The following TIPIN variants were observed in gnomAD, a reference collection of about 807,000 sequenced individuals.
TIPIN encodes the protein TIMELESS-interacting protein.
A neutral mutation model predicts 35.6 loss-of-function variants in TIPIN; 29 were observed. The ratio of observed to expected loss-of-function variants is 0.82; its 90% confidence interval spans 0.61 to 1.11. The LOEUF (loss-of-function observed/expected upper bound fraction) is 1.11, where lower values mean the gene tolerates loss of function less well. Ranked by LOEUF, TIPIN falls within the 50% of genes most tolerant of loss-of-function variation. The pLI, the probability that TIPIN is intolerant of heterozygous loss-of-function variation, is 0.00. For synonymous variants in TIPIN, 102 were observed against 121.5 expected, an observed-to-expected ratio of 0.84 and a Z score of 1.06; for missense variants, 296 against 345.4, an observed-to-expected ratio of 0.86 and a Z score of 1.13.
At chr15:66,383,022 C>T (rs2093323578) in intron 1 of TIPIN, 3 of 985,052 alleles carry the variant, frequency 3.0e-6, no homozygotes, top group South Asian at 4.7e-5. Context: ...AATTGTTTAT[C>T]TGGGCTTCTT....
At chr15:66,345,506 G>A (rs1411037293) in intron 6 of TIPIN, among the ~76,000 whole-genome samples, 1 of 152,142 alleles carries the variant, frequency 6.6e-6, no homozygotes, top group African/African-American at 2.4e-5. Flanking sequence ...ACTGAAATCA[G>A]GAGTTTGAGA....
chr15:66,341,390 T>G (rs748541160), intron 6 of TIPIN, 34 bp from the exon 7 acceptor site: 3 of 1,556,838 alleles, frequency 1.9e-6, no homozygotes, highest in Non-Finnish European at 2.6e-6. Context: ...ATCTGTGGTG[T>G]TAGACTAGTT....
chr15:66,379,861 T>C, intron 1 of TIPIN: 1 of 1,593,706 alleles, frequency 6.3e-7, no homozygotes, highest in Non-Finnish European at 8.5e-7. Context: ...CCCTTCAGAG[T>C]AATGTTGACA....
At chr15:66,370,798 A>G (rs1224176285) in intron 1 of TIPIN, among the ~76,000 whole-genome samples, 1 of 152,202 alleles carries the variant, frequency 6.6e-6, no homozygotes, top group Non-Finnish European at 1.5e-5. Context: ...AAAGAATAAA[A>G]GATCTTAATT....
intron 1 of TIPIN, among the ~76,000 whole-genome samples, chr15:66,380,811 T>A (rs748134555): frequency 1.3e-5 from 2 of 152,086 alleles, no homozygotes; most frequent in Non-Finnish European, 2.9e-5. Context: ...CAAGACTCCA[T>A]CTGGAAAAAA....
intron 6 of TIPIN, 90 bp downstream of exon 6, chr15:66,348,970 G>T: frequency 9.9e-7 from 1 of 1,007,524 alleles, no homozygotes; most frequent in Non-Finnish European, 1.5e-6. Flanking sequence ...AAAGCAAAGC[G>T]CTGGGATTAC....
chr15:66,344,526 A>C (rs2093110107), intron 6 of TIPIN, among the ~76,000 whole-genome samples: 1 of 152,138 alleles, frequency 6.6e-6, no homozygotes, highest in Admixed American at 6.6e-5. Flanking sequence ...ATATTTTGTA[A>C]GCAGCAGCTG....
rs533829554 is a variant in TIPIN at position 66,344,095 on chromosome 15, C to CT, written c.476-2740dup. Reference sequence around the variant, plus strand: ...CAATAAGAAAATACATAAATAACTACTTTTTTTTTGTTTTTTTCAAGAGAT... The same window carrying CT: ...CAATAAGAAAATACATAAATAACTACTTTTTTTTTTGTTTTTTTCAAGAGAT... On this transcript the variant is annotated intron_variant, in intron 6 of 7. Transcript: ENST00000261881. 4.3e-3 allele frequency among the ~76,000 whole-genome samples: 656 copies of CT among 151,572 alleles called. 4 individuals are homozygous for CT. Among genetic ancestry groups the CT allele is most frequent in the Middle Eastern group, 6.8e-3 (2 of 294 alleles).
intron 3 of TIPIN, among the ~76,000 whole-genome samples, chr15:66,351,921 G>A (rs1400792042): frequency 6.9e-6 from 1 of 144,400 alleles, no homozygotes; most frequent in East Asian, 2.0e-4. Context: ...TTATAGGCGT[G>A]AGCTACCACG....
intron 1 of TIPIN, among the ~76,000 whole-genome samples, chr15:66,354,153 G>A (rs559330774): frequency 6.6e-6 from 1 of 152,222 alleles, no homozygotes; most frequent in South Asian, 2.1e-4. Flanking sequence ...GCTTTAATAA[G>A]TACTGATTTA....
rs2093305467 is a variant in TIPIN at position 66,378,382 on chromosome 15, T to G, written c.-9+8225A>C. 2.0e-5 allele frequency among the ~76,000 whole-genome samples: 3 copies of G among 151,700 alleles called. No homozygotes were observed. In the South Asian group the frequency reaches 6.3e-4, roughly 32 times the overall value. On this transcript the variant is annotated intron_variant, in intron 1 of 7. Coordinates refer to the TIPIN transcript ENST00000562124. ...CATCTCCTGACCTCGTGATCTGCCT[T>G]CCTTGGCCTCCCAAAGTGCTGGGAT...
At chr15:66,349,575 G>T in intron 4 of TIPIN, 138 bp from the exon 5 acceptor site, 1 of 1,148,170 alleles carries the variant, frequency 8.7e-7, no homozygotes, top group Non-Finnish European at 1.2e-6. Context: ...CTTATAAAAG[G>T]AACTTTAATA....
At chr15:66,349,286 A>G (rs1013968704) in intron 5 of TIPIN, 29 bp downstream of exon 5, 2 of 1,610,428 alleles carry the variant, frequency 1.2e-6, no homozygotes, top group African/African-American at 2.7e-5. Flanking sequence ...TAGCATGTGA[A>G]TGATATTTAT....
upstream of TIPIN, among the ~76,000 whole-genome samples, chr15:66,357,680 G>A (rs62626355): frequency 7.1e-3 from 1,062 of 149,656 alleles, 10 homozygotes; most frequent in African/African-American, 0.025. Context: ...ACTTGGGGCC[G>A]GGTGCAGTGG....
intron 1 of TIPIN, chr15:66,379,312 T>C (rs1242046469): frequency 6.3e-7 from 1 of 1,576,058 alleles, no homozygotes; most frequent in African/African-American, 1.3e-5. Flanking sequence ...GCGTCTTCTT[T>C]CTGTAGCTGG....
At chr15:66,345,062 C>G (rs2140449207) in intron 6 of TIPIN, among the ~76,000 whole-genome samples, 1 of 152,008 alleles carries the variant, frequency 6.6e-6, no homozygotes, top group South Asian at 2.1e-4. Context: ...TAAAGGGAAA[C>G]AAGGGCAATG....
chr15:66,338,722 G>A (rs539135113), intron 7 of TIPIN, among the ~76,000 whole-genome samples: 9 of 148,642 alleles, frequency 6.1e-5, no homozygotes, highest in Middle Eastern at 3.4e-3. Flanking sequence ...GCTGAGGCAC[G>A]AGAATGGCAT....
At chr15:66,362,079 G>A (rs1391503325) in intron 1 of TIPIN, among the ~76,000 whole-genome samples, 5 of 151,298 alleles carry the variant, frequency 3.3e-5, no homozygotes, top group South Asian at 2.1e-4. Flanking sequence ...CAAGGCAGGC[G>A]GATCACCTGA....
chr15:66,363,581 G>A (rs981157120), intron 1 of TIPIN, among the ~76,000 whole-genome samples: 3 of 151,706 alleles, frequency 2.0e-5, no homozygotes. Flanking sequence ...GGCGGAGATT[G>A]CAGTGAGCCG....
Sources: allele counts gnomAD v4.1 joint callset (sites outside exome capture counted in the v4.1 genomes callset), GRCh38; gene constraint gnomAD v4.1.1; transcripts MANE v1.5; gene names NCBI Gene and HGNC (gene_info 2026-07-23, HGNC 2026-07-21).